Variants in EPHA3 observed in about 807,000 individuals in gnomAD.
The protein encoded by EPHA3 is EPH receptor A3.
In EPHA3, 42 loss-of-function variants were observed where a neutral mutation model predicts 107.1. The ratio of observed to expected loss-of-function variants is 0.39; its 90% CI spans 0.31 to 0.51. The LOEUF (loss-of-function observed/expected upper bound fraction) is 0.51. Ranked by LOEUF, EPHA3 falls within the 20% of genes least tolerant of loss-of-function variation. EPHA3 has a pLI of 0.78. For synonymous variants in EPHA3, 461 were observed against 424.8 expected, an observed-to-expected ratio of 1.09 and a Z score of -1.05; for missense variants, 1,183 against 1,211.2, an observed-to-expected ratio of 0.98 and a Z score of 0.35.
At chr3:89,247,794 G>C (rs1705070891) in intron 3 of EPHA3, among the ~76,000 whole-genome samples, 1 of 152,084 alleles carries the variant, frequency 6.6e-6, no homozygotes, top group African/African-American at 2.4e-5. Context: ...AGATATGATT[G>C]ACATGCAGAT....
chr3:89,398,057 A>G (rs1576357846), intron 6 of EPHA3, among the ~76,000 whole-genome samples: 1 of 152,320 alleles, frequency 6.6e-6, no homozygotes, highest in Non-Finnish European at 1.5e-5. Flanking sequence ...TATTTATAGT[A>G]TGCTTGGTAA....
intron 2 of EPHA3, among the ~76,000 whole-genome samples, chr3:89,139,738 C>A (rs1576177816): frequency 2.0e-5 from 3 of 151,632 alleles, no homozygotes; most frequent in Non-Finnish European, 4.4e-5. Flanking sequence ...GGCTTAGTGA[C>A]TTGATGAAGG....
chr3:89,243,605 G>T (rs550960823), intron 3 of EPHA3, among the ~76,000 whole-genome samples: 20 of 151,952 alleles, frequency 1.3e-4, no homozygotes, highest in African/African-American at 3.6e-4. Flanking sequence ...TGGGGTTGTT[G>T]GTTTTTTTCT....
intron 2 of EPHA3, among the ~76,000 whole-genome samples, chr3:89,164,791 C>T (rs1431681936): frequency 5.9e-5 from 9 of 152,114 alleles, no homozygotes; most frequent in African/African-American, 2.2e-4. Context: ...TAGGATAATG[C>T]CCCAGAACAC....
chr3:89,210,569 T>C, intron 3 of EPHA3, 49 bp downstream of exon 3: 1 of 1,491,636 alleles, frequency 6.7e-7, no homozygotes. Flanking sequence ...CACCTATGAG[T>C]TTATCATAGT....
intron 2 of EPHA3, among the ~76,000 whole-genome samples, chr3:89,146,720 G>A (rs1704567270): frequency 6.6e-6 from 1 of 151,944 alleles, no homozygotes; most frequent in South Asian, 2.1e-4. Flanking sequence ...CTTTGCCCAT[G>A]CCTATGTCCT....
In EPHA3 at chr3:89,258,879, G is replaced by A. The variant is rs1222780722; in HGVS notation, c.814+48359G>A. ...AATGGAACAGTTTTGCACCCTGAGTGTTGTGGTATCTCCATAAACCTGTAC... is the reference window on the plus strand; with the variant it reads ...AATGGAACAGTTTTGCACCCTGAGTATTGTGGTATCTCCATAAACCTGTAC... On this transcript the variant is annotated intron_variant, in intron 3 of 16. Transcript: ENST00000336596. Among the ~76,000 whole-genome samples, 3 of 152,096 alleles carry A rather than the reference G, an allele frequency of 2.0e-5. No homozygotes were observed. In the East Asian group the frequency reaches 5.8e-4, roughly 29 times the overall value.
intron 10 of EPHA3, among the ~76,000 whole-genome samples, chr3:89,418,081 C>A (rs1159285181): frequency 6.6e-6 from 1 of 151,310 alleles, no homozygotes; most frequent in East Asian, 1.9e-4. Flanking sequence ...CATATCACTT[C>A]AATCTGACTG....
At chr3:89,246,990 C>T (rs1705048969) in intron 3 of EPHA3, among the ~76,000 whole-genome samples, 1 of 152,088 alleles carries the variant, frequency 6.6e-6, no homozygotes, top group South Asian at 2.1e-4. Context: ...CATGTAGTGC[C>T]TGTGGTCTTT....
intron 3 of EPHA3, among the ~76,000 whole-genome samples, chr3:89,266,579 C>A (rs752157435): frequency 6.6e-6 from 1 of 152,030 alleles, no homozygotes; most frequent in Non-Finnish European, 1.5e-5. Context: ...AATTAACTCT[C>A]AATTTTTCTC....
intron 3 of EPHA3, among the ~76,000 whole-genome samples, chr3:89,249,425 C>A (rs1705110550): frequency 1.3e-5 from 2 of 152,172 alleles, no homozygotes; most frequent in South Asian, 4.1e-4. Context: ...AGCTTCTGAT[C>A]AAGCAGTTGT....
chr3:89,395,134 C>A lies in EPHA3; in HGVS notation c.1307-703C>A, dbSNP rs114058656. ...CAAAACATAGCAAATGTAGAATCAC[C>A]ATCAAATAAGACATTTCAAAACATG... On this transcript the variant is annotated intron_variant, in intron 5 of 16. Transcript: ENST00000336596. Among the ~76,000 whole-genome samples, 729 of 152,206 alleles carry A rather than the reference C, an allele frequency of 4.8e-3. 8 individuals are homozygous for A. The highest frequency in any genetic ancestry group is 0.016 in the African/African-American group (678 of 41,516).
At chr3:89,401,180 A>G (rs1341546204) in intron 7 of EPHA3, among the ~76,000 whole-genome samples, 2 of 152,212 alleles carry the variant, frequency 1.3e-5, no homozygotes, top group Non-Finnish European at 2.9e-5. Context: ...GTTGGAGTAC[A>G]TATTTTATGG....
chr3:89,473,121 T>G (rs1256366131), intron 16 of EPHA3, among the ~76,000 whole-genome samples: 3 of 152,192 alleles, frequency 2.0e-5, no homozygotes, highest in Non-Finnish European at 1.5e-5. Context: ...CAACATGTAT[T>G]CATCATTGTC....
intron 3 of EPHA3, among the ~76,000 whole-genome samples, chr3:89,258,627 G>A (rs1417408190): frequency 3.3e-5 from 5 of 151,982 alleles, no homozygotes; most frequent in South Asian, 2.1e-4. Flanking sequence ...GAAATACAGC[G>A]GTTCATTTTA....
At chr3:89,222,522 T>C (rs2107209219) in intron 3 of EPHA3, among the ~76,000 whole-genome samples, 1 of 149,652 alleles carries the variant, frequency 6.7e-6, no homozygotes, top group South Asian at 2.1e-4. Flanking sequence ...TAAATATATG[T>C]ATGTATAGAT....
intron 15 of EPHA3, among the ~76,000 whole-genome samples, chr3:89,450,870 C>T (rs1188989909): frequency 2.0e-5 from 3 of 152,168 alleles, no homozygotes; most frequent in Admixed American, 1.3e-4. Flanking sequence ...CATGCCACTG[C>T]ACTCCAGCCT....
At chr3:89,255,505 C>T (rs899831407) in intron 3 of EPHA3, among the ~76,000 whole-genome samples, 4 of 152,228 alleles carry the variant, frequency 2.6e-5, no homozygotes, top group African/African-American at 7.2e-5. Flanking sequence ...TTTCACATGA[C>T]AACATCAGTA....
In EPHA3 at chr3:89,367,378, C is replaced by T. The variant is rs376381741; in HGVS notation, c.1306+25288C>T. ...TCTTCACTAGAGTGAGCTGGCCTCC[C>T]GTGTACCCACATAGGAATCAGTTTC... On this transcript the variant is annotated intron_variant, in intron 5 of 16. Coordinates refer to ENST00000336596, the MANE Select transcript of EPHA3 (RefSeq NM_005233.6). 5.8e-4 allele frequency among the ~76,000 whole-genome samples: 88 copies of T among 150,630 alleles called. 3 individuals carry two copies. The East Asian group carries it at 0.012, about 20-fold the overall frequency.
Sources: gnomAD v4.1 joint callset for allele counts (sites outside exome capture counted in the v4.1 genomes callset) on GRCh38, gnomAD v4.1.1 for gene constraint, MANE v1.5 for transcripts, NCBI Gene and HGNC (gene_info 2026-07-23, HGNC 2026-07-21) for gene names.